Variants in GNAS observed in about 807,000 individuals in gnomAD.
GNAS encodes GNAS complex locus, also known as protein ALEX.
Under a neutral mutation model 54.5 loss-of-function variants are expected in GNAS, and 8 were observed. That is an observed-to-expected ratio of 0.15 (90% CI 0.09 to 0.26). GNAS has a LOEUF of 0.26. GNAS is among the 10% of genes least tolerant of loss of function. The pLI is 1.00. For missense variants in GNAS, 170 were observed against 529.8 expected (o/e 0.32, Z 6.67); for synonymous variants, 204 against 191.4 (o/e 1.07, Z -0.54).
At chr20:58,895,732 T>C (rs2089982531) in intron 2 of GNAS, 48 bp downstream of exon 2, 1 of 1,065,126 alleles carries the variant, frequency 9.4e-7, no homozygotes, top group Non-Finnish European at 1.5e-6. Context: ...AGGAACAGAC[T>C]TTATACTAAC....
At chr20:58,876,546 AC>A (rs2087832216) in intron 1 of GNAS, 1 of 152,076 alleles carries the variant, frequency 6.6e-6, no homozygotes, top group South Asian at 2.1e-4. Flanking sequence ...GTACCCCCCC[AC>A]CCAAGCATGA....
intron 1 of GNAS, among the ~76,000 whole-genome samples, chr20:58,866,564 C>T (rs1187188773): frequency 6.6e-6 from 1 of 152,230 alleles, no homozygotes. Flanking sequence ...ACCAGCCTCT[C>T]TCAAGTAACC....
At chr20:58,900,050 A>C (rs1388887200) in intron 3 of GNAS, 1 of 687,166 alleles carries the variant, frequency 1.5e-6, no homozygotes, top group East Asian at 2.8e-5. Flanking sequence ...ACTTCTAATA[A>C]GAATACTATT....
At chr20:58,883,027 G>C (rs1034874524) in intron 1 of GNAS, 1 of 151,812 alleles carries the variant, frequency 6.6e-6, no homozygotes, top group East Asian at 1.9e-4. Context: ...TTACAATTAA[G>C]TGCTGGGAAA....
chr20:58,855,666 A>AGGGGCCCC (rs763359086), intron 1 of GNAS: 12 of 552,982 alleles, frequency 2.2e-5, no homozygotes, highest in Middle Eastern at 3.4e-4. Flanking sequence ...ACTGCCGGGG[A>AGGGGCCCC]GGGGCCCCGG....
At chr20:58,903,868 G>C (rs2146187962) in intron 5 of GNAS, 77 bp downstream of exon 5, 1 of 1,490,960 alleles carries the variant, frequency 6.7e-7, no homozygotes, top group East Asian at 2.3e-5. Flanking sequence ...ATGAGTGACA[G>C]CCCTGCACAT....
rs1231113008 is a variant in GNAS, at chr20:58,841,043, G to A, written c.43+157G>A. On this transcript the variant is annotated intron_variant, in intron 1 of 12. Transcript: ENST00000306090. This position sits in a 1 kb window ranked among gnomAD's most constrained non-coding sequence, Gnocchi z 5.0. ...CGGGGGTCAGGGTGAGGCGGCGAGG[G>A]CTCCCCCAAACTTCCCAGGATGCCA... Among the ~76,000 whole-genome samples the A allele has an allele frequency of 6.6e-6, 1 of 152,050 alleles. No homozygotes were observed. The highest frequency in any genetic ancestry group is 6.5e-5 in the Admixed American group (1 of 15,270).
chr20:58,850,561 GC>G, intron 1 of GNAS: 1 of 398,812 alleles, frequency 2.5e-6, no homozygotes, highest in Non-Finnish European at 4.4e-6. Flanking sequence ...CATCCCTGGG[GC>G]CTCAACTCCT....
intron 1 of GNAS, chr20:58,855,224 G>A (rs2086418037): frequency 1.9e-6 from 3 of 1,596,416 alleles, no homozygotes; most frequent in Admixed American, 1.8e-5. Flanking sequence ...AAGAAGCCCT[G>A]GAGAAGCGGG....
At chr20:58,884,679 ATTACC>A (rs2088467705) in intron 1 of GNAS, 1 of 152,230 alleles carries the variant, frequency 6.6e-6, no homozygotes, top group Non-Finnish European at 1.5e-5. Flanking sequence ...AGGTTTTCCC[ATTACC>A]TTAGTCCTCA....
chr20:58,908,849 C>T, intron 6 of GNAS: 1 of 423,944 alleles, frequency 2.4e-6, no homozygotes, highest in Non-Finnish European at 4.3e-6. Flanking sequence ...ACACGAAGAA[C>T]AAAGCCCCAC....
chr20:58,849,448 A>C (rs1568918000), intron 1 of GNAS, among the ~76,000 whole-genome samples: 1 of 152,052 alleles, frequency 6.6e-6, no homozygotes, highest in Non-Finnish European at 1.5e-5. Flanking sequence ...TGACTCCATA[A>C]ATTCATCTTT....
chr20:58,908,728 A>G (rs1292292302), intron 6 of GNAS, among the ~76,000 whole-genome samples: 1 of 152,182 alleles, frequency 6.6e-6, no homozygotes, highest in Non-Finnish European at 1.5e-5. Flanking sequence ...TCCTTTCTCT[A>G]CTGGTTGATA....
intron 1 of GNAS, among the ~76,000 whole-genome samples, chr20:58,847,892 C>A (rs987217348): frequency 4.6e-5 from 7 of 152,172 alleles, no homozygotes; most frequent in Non-Finnish European, 1.0e-4. Context: ...TAAGTAGAAA[C>A]ACAATTACTC....
chr20:58,869,320 AAC>A (rs1156974443), intron 1 of GNAS, among the ~76,000 whole-genome samples: 1 of 152,236 alleles, frequency 6.6e-6, no homozygotes, highest in Non-Finnish European at 1.5e-5. Context: ...CCCCCTATCC[AAC>A]ACAAATTTTT....
chr20:58,902,048 AAAT>A (rs2090657377), intron 3 of GNAS, among the ~76,000 whole-genome samples: 1 of 151,896 alleles, frequency 6.6e-6, no homozygotes, highest in Admixed American at 6.6e-5. Flanking sequence ...AAAGATTAAA[AAAT>A]ATATATATAC....
chr20:58,840,469 CGAGACCGACTTCGAGACCGAGCCT>C (rs758848179), upstream of GNAS: 8 of 1,613,552 alleles, frequency 5.0e-6, 1 homozygote, highest in South Asian at 8.8e-5. The surrounding 1 kb of genome is among the most constrained non-coding windows in gnomAD (Gnocchi z 6.0). Context: ...AAATCGAGTC[CGAGACCGACTTCGAGACCGAGCCT>C]GAGACCGCCC....
intron 3 of GNAS, chr20:58,900,425 GTCTGTCT>G (rs1170116338): frequency 5.0e-6 from 1 of 201,518 alleles, no homozygotes; most frequent in East Asian, 7.8e-5. Context: ...TGTATCTCGC[GTCTGTCT>G]TCTGTCTTCC....
Position 58,909,254 on chromosome 20 carries a change from C to A in GNAS, c.585+38C>A. ...CCTCCCCACCAGAGGACTCTGAGCC[C>A]TCTTTCCAAACTACTCCAGACCTTT... On this transcript the variant is annotated intron_variant, in intron 7 of 12. Transcript: ENST00000371085. This position sits in a 1 kb window ranked among gnomAD's most constrained non-coding sequence, Gnocchi z 7.3. 1 of 1,601,678 alleles carries A rather than the reference C, an allele frequency of 6.2e-7. No homozygotes were observed. The highest frequency in any genetic ancestry group is 8.6e-7 in the Non-Finnish European group (1 of 1,168,624).
Sources: gnomAD v4.1 joint callset for allele counts (sites outside exome capture counted in the v4.1 genomes callset) on GRCh38, gnomAD v4.1.1 for gene constraint, Gnocchi (gnomAD v3.1) non-coding constraint, MANE v1.5 for transcripts, NCBI Gene and HGNC (gene_info 2026-07-23, HGNC 2026-07-21) for gene names.